Variants in MECOM observed in about 807,000 individuals in gnomAD.
MECOM encodes the protein histone-lysine N-methyltransferase MECOM.
In MECOM, 13 loss-of-function variants were observed where a neutral mutation model predicts 116.3. The observed-to-expected ratio is 0.11, with a 90% confidence interval of 0.07 to 0.18. The LOEUF is 0.18. Ranked by LOEUF, MECOM falls within the 10% of genes least tolerant of loss-of-function variation. The probability of loss-of-function intolerance (pLI) is 1.00; values close to 1 mark genes in which losing one functional copy is unlikely to be tolerated. For missense variants in MECOM, 1,299 were observed against 1,509.0 expected, an observed-to-expected ratio of 0.86 and a Z score of 2.31; for synonymous variants, 528 against 535.2, an observed-to-expected ratio of 0.99 and a Z score of 0.19.
At position 169,443,870 on chromosome 3, in the gene MECOM, AG is replaced by A. The variant is rs139185919; in HGVS notation, c.38-62347del. On this transcript the variant is annotated intron_variant, in intron 1 of 16. Transcript: ENST00000651503. ...CTTCAGTTCTCTCTGAGGACAGAAG[AG>A]GACTCTCAGCACTAGACAGTTAGCT... Among the ~76,000 whole-genome samples, 327 of 152,320 alleles carry A rather than the reference AG, an allele frequency of 2.1e-3. 2 individuals are homozygous for A. Among genetic ancestry groups the A allele is most frequent in the African/African-American group, 7.6e-3 (314 of 41,570 alleles).
intron 2 of MECOM, among the ~76,000 whole-genome samples, chr3:169,371,439 C>T (rs1407479742): frequency 6.6e-6 from 1 of 151,590 alleles, no homozygotes; most frequent in Non-Finnish European, 1.5e-5. Flanking sequence ...TAATATACAG[C>T]ATTGTGTCTA....
chr3:169,420,006 A>G (rs1739430174), intron 1 of MECOM, among the ~76,000 whole-genome samples: 1 of 152,216 alleles, frequency 6.6e-6, no homozygotes, highest in Non-Finnish European at 1.5e-5. Flanking sequence ...ACATATGAAT[A>G]AAAGCTCATC....
intron 2 of MECOM, among the ~76,000 whole-genome samples, chr3:169,259,576 A>T (rs1424252482): frequency 1.3e-5 from 2 of 152,158 alleles, no homozygotes; most frequent in East Asian, 1.9e-4. Flanking sequence ...AATTAAAAAA[A>T]AATTTTGCCT....
intron 1 of MECOM, among the ~76,000 whole-genome samples, chr3:169,579,685 A>T (rs1284785461): frequency 6.6e-6 from 1 of 152,238 alleles, no homozygotes; most frequent in Non-Finnish European, 1.5e-5. Context: ...GTAGCTCTTC[A>T]TAAGTGAAAG....
chr3:169,617,358 T>C (rs935978786), intron 1 of MECOM, among the ~76,000 whole-genome samples: 5 of 152,224 alleles, frequency 3.3e-5, no homozygotes, highest in Non-Finnish European at 4.4e-5. Context: ...CTGACTTCAA[T>C]GTTTACATAA....
At chr3:169,607,221 GT>G (rs898736787) in intron 1 of MECOM, among the ~76,000 whole-genome samples, 7 of 152,280 alleles carry the variant, frequency 4.6e-5, no homozygotes, top group Admixed American at 2.0e-4. Context: ...TCAAACTCAG[GT>G]TTTTTTGTCT....
At chr3:169,436,901 G>A (rs1742756025) in intron 1 of MECOM, among the ~76,000 whole-genome samples, 1 of 151,956 alleles carries the variant, frequency 6.6e-6, no homozygotes, top group Non-Finnish European at 1.5e-5. Flanking sequence ...GAGCTTGAAC[G>A]ACATAACAGG....
At chr3:169,173,106 T>C (rs1400247395) in intron 2 of MECOM, among the ~76,000 whole-genome samples, 3 of 152,116 alleles carry the variant, frequency 2.0e-5, no homozygotes, top group Non-Finnish European at 2.9e-5. Flanking sequence ...CAATAAAAAA[T>C]GAGCTTAAGA....
At chr3:169,392,744 C>G (rs990724690) in intron 1 of MECOM, among the ~76,000 whole-genome samples, 1 of 152,130 alleles carries the variant, frequency 6.6e-6, no homozygotes, top group Non-Finnish European at 1.5e-5. Context: ...TCTCGTAGAA[C>G]CTCTATCCTT....
In MECOM at chr3:169,116,648, T is replaced by G. The variant is rs190002250; in HGVS notation, c.1224A>C (p.Lys408Asn). ...HADCRTQIKC[K>N]DCGQMFSTTS... is the part of the protein sequence containing the mutation. ...TAGTGCTGAACATTTGTCCACAGTC[T>G]TTGCACTTGATTTGGGTTCTGCAAT... Residue 408 changes from lysine to asparagine, a missense_variant, in exon 8 of 17, where the codon AAA becomes AAC. Physicochemically the swap from Lys to Asn is moderately conservative, Grantham distance 94. This residue lies in a region of MECOM where 42 missense variants were observed against 103.9 expected (regional missense o/e 0.40). Coordinates refer to ENST00000651503, the MANE Select transcript of MECOM (RefSeq NM_004991.4). 35 of 1,614,172 alleles carry G rather than the reference T, an allele frequency of 2.2e-5. 1 individual carries two copies. The highest frequency in any genetic ancestry group is 1.7e-4 in the Admixed American group (10 of 60,026).
At chr3:169,439,147 ATAT>A (rs1743196737) in intron 1 of MECOM, among the ~76,000 whole-genome samples, 1 of 144,814 alleles carries the variant, frequency 6.9e-6, no homozygotes, top group Non-Finnish European at 1.5e-5. Context: ...TATAGTTAAT[ATAT>A]TATTAACTAA....
At chr3:169,252,377 G>GA (rs1227960336) in intron 2 of MECOM, among the ~76,000 whole-genome samples, 1 of 151,852 alleles carries the variant, frequency 6.6e-6, no homozygotes, top group Non-Finnish European at 1.5e-5. Flanking sequence ...AAGAAGAACA[G>GA]AAAGTGTGTT....
Position 169,378,442 on chromosome 3 carries a change from AAAGAAAGAAGGAAAGCAAGCAAGCAAGC to A in MECOM, c.375+2717_375+2744del, listed in dbSNP as rs1213497171. Among the ~76,000 whole-genome samples the A allele has an allele frequency of 2.6e-4, 22 of 85,234 alleles. 1 individual carries two copies. Among genetic ancestry groups the A allele is most frequent in the South Asian group, 9.8e-4 (3 of 3,056 alleles). The allele number at this position is 85,234 out of a possible 152,430, so 55.9% of individuals were successfully genotyped here. On this transcript the variant is annotated intron_variant, in intron 2 of 16. Coordinates refer to ENST00000651503, the MANE Select transcript of MECOM (RefSeq NM_004991.4). ...GAAAGAAAGAAAGAAAGAAAGAAAG[AAAGAAAGAAGGAAAGCAAGCAAGCAAGC>A]AAGCAAGAAAGAGAGAGAGAAAGAA... is the stretch of plus-strand genomic sequence containing the variant.
In MECOM at chr3:169,105,056, T is replaced by C. The variant is rs149680892; in HGVS notation, c.2605-2830A>G. 1.4e-4 allele frequency among the ~76,000 whole-genome samples: 21 copies of C among 152,208 alleles called. No individual in the cohort carries two copies. The East Asian group carries it at 4.1e-3, about 29-fold the overall frequency. ...AGTGGGGAAAGGGAGGGAAAGACGATGGGAAGCGAGCTGAGGGTAACTATT... is the reference window on the plus strand; with the variant it reads ...AGTGGGGAAAGGGAGGGAAAGACGACGGGAAGCGAGCTGAGGGTAACTATT... On this transcript the variant is annotated intron_variant, in intron 10 of 16. Coordinates refer to ENST00000651503, the MANE Select transcript of MECOM (RefSeq NM_004991.4).
intron 4 of MECOM, among the ~76,000 whole-genome samples, chr3:169,129,091 A>C (rs1236995160): frequency 6.6e-6 from 1 of 152,166 alleles, no homozygotes; most frequent in Non-Finnish European, 1.5e-5. Flanking sequence ...TTAGTCCAAG[A>C]ATTCTTTTAG....
At chr3:169,306,400 A>G (rs73034997) in intron 2 of MECOM, among the ~76,000 whole-genome samples, 8,312 of 152,326 alleles carry the variant, frequency 0.055, 669 homozygotes, top group African/African-American at 0.17. Flanking sequence ...CAGAATCCAC[A>G]GCTGGGCTCA....
chr3:169,149,627 G>A (rs755311808), intron 2 of MECOM: 4 of 477,890 alleles, frequency 8.4e-6, no homozygotes, highest in Middle Eastern at 3.3e-4. Context: ...CGAGCTACGA[G>A]AGGAAGGCAC....
rs3044764 is a variant in MECOM at position 169,504,150 on chromosome 3, AGTGTGTGTGTGTGTGTGT to A, written c.38-122644_38-122627del. Among the ~76,000 whole-genome samples, 1,302 of 132,716 alleles carry A rather than the reference AGTGTGTGTGTGTGTGTGT, an allele frequency of 9.8e-3. 21 individuals carry two copies. Among genetic ancestry groups the A allele is most frequent in the African/African-American group, 0.031 (1,157 of 36,956 alleles). The allele number at this position is 132,716 out of a possible 152,430, so 87.1% of individuals were successfully genotyped here. On this transcript the variant is annotated intron_variant, in intron 1 of 16. Coordinates refer to ENST00000651503, the MANE Select transcript of MECOM (RefSeq NM_004991.4). ...CTCTCAAAAAAAAAAGAAAAAGAGA[AGTGTGTGTGTGTGTGTGT>A]GTGTGTGTGTGTGTGTGTGTGTGTT...
intron 2 of MECOM, among the ~76,000 whole-genome samples, chr3:169,292,838 A>G (rs1480294814): frequency 6.6e-6 from 1 of 152,200 alleles, no homozygotes; most frequent in Non-Finnish European, 1.5e-5. Flanking sequence ...GATCTGGATC[A>G]AATTATATTC....
Sources: gnomAD v4.1 joint callset for allele counts (sites outside exome capture counted in the v4.1 genomes callset) on GRCh38, gnomAD v4.1.1 for gene constraint, gnomAD v4.1.1 regional missense constraint, MANE v1.5 for transcripts, NCBI Gene and HGNC (gene_info 2026-07-23, HGNC 2026-07-21) for gene names.